The following ADGRV1 variants were observed in gnomAD, a reference collection of about 807,000 sequenced individuals.
ADGRV1 encodes G-protein coupled receptor 98.
A neutral mutation model predicts 596.2 loss-of-function variants in ADGRV1; 359 were observed. The ratio of observed to expected loss-of-function variants is 0.60; its 90% confidence interval spans 0.55 to 0.66. The LOEUF is 0.66. Ranked by LOEUF, ADGRV1 falls within the 30% of genes least tolerant of loss-of-function variation. ADGRV1 has a pLI of 0.00. For missense variants in ADGRV1, 7,274 were observed against 7,575.6 expected (o/e 0.96, Z 1.48); for synonymous variants, 2,681 against 2,679.2 (o/e 1.00, Z -0.02).
Position 90,642,973 on chromosome 5 carries a change from C to A in ADGRV1, c.2485C>A (p.Leu829Ile). Residue 829 changes from leucine (L) to isoleucine (I), a missense_variant, in exon 13 of 90, where the codon CTA becomes ATA. Leu to Ile is a conservative substitution (Grantham distance 5). Coordinates refer to ENST00000405460, the MANE Select transcript of ADGRV1 (RefSeq NM_032119.4). ...TGAATTCTATGGAAACACGGGAGTACTAGAATTTAAACCTGGAGAAAGGGA... is the reference window on the plus strand; with the variant it reads ...TGAATTCTATGGAAACACGGGAGTAATAGAATTTAAACCTGGAGAAAGGGA... ...SNEFYGNTGV[L>I]EFKPGEREIV... 1 of 1,613,484 alleles carries A rather than the reference C, an allele frequency of 6.2e-7. No individual in the cohort carries two copies.
intron 83 of ADGRV1, among the ~76,000 whole-genome samples, chr5:90,901,922 A>G (rs898818505): frequency 1.3e-5 from 2 of 152,076 alleles, no homozygotes; most frequent in Admixed American, 6.6e-5. Flanking sequence ...GGTAGACTGT[A>G]GTGTGAATAG....
intron 86 of ADGRV1, among the ~76,000 whole-genome samples, chr5:91,090,683 C>T (rs1790309661): frequency 6.6e-6 from 1 of 151,902 alleles, no homozygotes; most frequent in South Asian, 2.1e-4. Context: ...CTTCACATAT[C>T]AGTAAGGGTC....
At chr5:90,729,603 C>G (rs766962493) in intron 49 of ADGRV1, 39 bp from the exon 50 acceptor site, 1 of 1,501,266 alleles carries the variant, frequency 6.7e-7, no homozygotes, top group South Asian at 1.3e-5. Flanking sequence ...TTTTCTGTAA[C>G]TTTTGCATTA....
At chr5:90,912,777 C>T (rs767024138) in intron 83 of ADGRV1, among the ~76,000 whole-genome samples, 27 of 152,198 alleles carry the variant, frequency 1.8e-4, no homozygotes, top group Admixed American at 1.3e-4. Flanking sequence ...GCAAAGTATC[C>T]CATGGTGTAG....
intron 57 of ADGRV1, among the ~76,000 whole-genome samples, chr5:90,759,180 A>G (rs1334295616): frequency 6.6e-6 from 1 of 152,232 alleles, no homozygotes; most frequent in Admixed American, 6.5e-5. Flanking sequence ...CACAACTTTA[A>G]AATGCCATAA....
chr5:90,730,066 C>T (rs1264509271), intron 50 of ADGRV1, among the ~76,000 whole-genome samples: 1 of 152,146 alleles, frequency 6.6e-6, no homozygotes, highest in African/African-American at 2.4e-5. Flanking sequence ...CGGGGTTTCA[C>T]CGTGTTAGCC....
intron 11 of ADGRV1, among the ~76,000 whole-genome samples, chr5:90,639,182 T>C (rs1357254056): frequency 6.6e-6 from 1 of 152,106 alleles, no homozygotes; most frequent in East Asian, 1.9e-4. Flanking sequence ...AGGTATTTCA[T>C]ACGATGAAAA....
intron 28 of ADGRV1, among the ~76,000 whole-genome samples, chr5:90,684,747 A>G (rs1341648863): frequency 6.6e-6 from 1 of 152,114 alleles, no homozygotes; most frequent in Non-Finnish European, 1.5e-5. Context: ...ACCTCTTAAT[A>G]CTATCACCAC....
intron 21 of ADGRV1, among the ~76,000 whole-genome samples, chr5:90,659,153 T>C (rs1769868805): frequency 6.6e-6 from 1 of 152,204 alleles, no homozygotes. Flanking sequence ...GATCTTCAAA[T>C]AGTATGGTCC....
At chr5:90,789,961 G>T (rs914395050) in intron 69 of ADGRV1, 110 bp downstream of exon 69, 2 of 716,630 alleles carry the variant, frequency 2.8e-6, no homozygotes, top group Non-Finnish European at 2.0e-6. Context: ...ATAAACTAAA[G>T]TTACGTGAGT....
At chr5:91,031,318 A>C in intron 85 of ADGRV1, 1 of 1,376,834 alleles carries the variant, frequency 7.3e-7, no homozygotes, top group Non-Finnish European at 1.0e-6. Context: ...ATGCTGCTGC[A>C]CTTGCTAACA....
chr5:90,705,631 T>G (rs1296697615), intron 37 of ADGRV1, 52 bp downstream of exon 37: 10 of 1,448,444 alleles, frequency 6.9e-6, no homozygotes, highest in South Asian at 1.3e-5. Context: ...CTTATTAATA[T>G]TCTACTTGTG....
chr5:90,731,673 G>C (rs961711632), intron 50 of ADGRV1, among the ~76,000 whole-genome samples: 1 of 152,200 alleles, frequency 6.6e-6, no homozygotes, highest in South Asian at 2.1e-4. Context: ...GCTGAGATTG[G>C]AGATACAACA....
chr5:91,146,735 A>G (rs76851519), intron 87 of ADGRV1, among the ~76,000 whole-genome samples: 1 of 152,264 alleles, frequency 6.6e-6, no homozygotes, highest in South Asian at 2.1e-4. Context: ...ATGGGAAAAT[A>G]TGGTACTTTT....
intron 20 of ADGRV1, among the ~76,000 whole-genome samples, chr5:90,657,062 T>C (rs760583558): frequency 1.5e-4 from 23 of 152,014 alleles, no homozygotes; most frequent in Non-Finnish European, 2.5e-4. Context: ...ACTCAATGAG[T>C]GTCTAACATA....
intron 86 of ADGRV1, among the ~76,000 whole-genome samples, chr5:91,074,247 G>C (rs184023488): frequency 3.3e-5 from 5 of 152,084 alleles, no homozygotes; most frequent in Non-Finnish European, 7.3e-5. Context: ...CCTCATGGGG[G>C]TTTGGTGTAC....
intron 9 of ADGRV1, among the ~76,000 whole-genome samples, chr5:90,632,806 T>TA (rs1765667940): frequency 6.6e-6 from 1 of 152,206 alleles, no homozygotes; most frequent in African/African-American, 2.4e-5. Context: ...CCAAAGGTCT[T>TA]ACAGTGCAGT....
At position 90,724,841 on chromosome 5, in the gene ADGRV1, ATGT is replaced by A; in HGVS notation, c.9762_9764del (p.Val3255del). On this transcript the variant is annotated inframe_deletion, in exon 46 of 90. Transcript: ENST00000405460. ...GATTTGTGTTTTTCAGGGGGAATGG[ATGT>A]TGTGTTTTCCGTATTTCAAAGTTTT... 6.2e-7 allele frequency: 1 copy of A among 1,613,088 alleles called. No homozygotes were observed.
intron 75 of ADGRV1, among the ~76,000 whole-genome samples, chr5:90,817,554 GTT>G (rs1763025043): frequency 1.3e-5 from 2 of 151,788 alleles, no homozygotes; most frequent in Non-Finnish European, 2.9e-5. Flanking sequence ...TAGGTCTAAT[GTT>G]TAAGTCTTTA....
Sources: allele counts gnomAD v4.1 joint callset (sites outside exome capture counted in the v4.1 genomes callset), GRCh38; gene constraint gnomAD v4.1.1; transcripts MANE v1.5; gene names NCBI Gene and HGNC (gene_info 2026-07-23, HGNC 2026-07-21).